The following WDFY3 variants were observed in gnomAD, a reference collection of about 807,000 sequenced individuals.
WDFY3 encodes the protein WD repeat and FYVE domain containing 3.
Under a neutral mutation model 409.6 loss-of-function variants are expected in WDFY3, and 66 were observed. That is an observed-to-expected ratio of 0.16 (90% CI 0.13 to 0.20). The LOEUF (loss-of-function observed/expected upper bound fraction) is 0.20, where lower values mean the gene tolerates loss of function less well. WDFY3 is among the 10% of genes least tolerant of loss of function. The probability of loss-of-function intolerance (pLI) is 1.00; values close to 1 mark genes in which losing one functional copy is unlikely to be tolerated. For missense variants in WDFY3, 3,031 were observed against 4,298.1 expected (o/e 0.71, Z 8.24); for synonymous variants, 1,521 against 1,537.1 (o/e 0.99, Z 0.25).
At chr4:84,689,583 A>AT (rs1214813242) in intron 61 of WDFY3, among the ~76,000 whole-genome samples, 1 of 152,084 alleles carries the variant, frequency 6.6e-6, no homozygotes, top group Non-Finnish European at 1.5e-5. Context: ...CAGGGGTTCA[A>AT]TTTTTTTCTA....
intron 58 of WDFY3, 46 bp downstream of exon 58, chr4:84,695,924 C>T (rs1490889074): frequency 7.7e-6 from 12 of 1,548,784 alleles, no homozygotes; most frequent in African/African-American, 1.4e-5. Flanking sequence ...AGAAATGTTA[C>T]AAAATGAAAC....
intron 3 of WDFY3, among the ~76,000 whole-genome samples, chr4:84,869,365 C>T (rs1041968699): frequency 6.6e-6 from 1 of 152,136 alleles, no homozygotes; most frequent in Non-Finnish European, 1.5e-5. Context: ...TATCTTCACG[C>T]CCCCTGCATT....
At chr4:84,831,682 C>CAGTCCATTCAGCTCATT in intron 7 of WDFY3, 77 bp from the exon 8 acceptor site, 1 of 1,309,170 alleles carries the variant, frequency 7.6e-7, no homozygotes, top group Non-Finnish European at 1.0e-6. Flanking sequence ...GGCAAATGAG[C>CAGTCCATTCAGCTCATT]TGAATGGACT....
intron 8 of WDFY3, among the ~76,000 whole-genome samples, chr4:84,830,558 G>A (rs1336014492): frequency 6.6e-6 from 1 of 152,146 alleles, no homozygotes; most frequent in South Asian, 2.1e-4. Flanking sequence ...ATAAATTGAG[G>A]AGCATCTGTG....
intron 32 of WDFY3, among the ~76,000 whole-genome samples, chr4:84,758,111 C>T (rs546429250): frequency 6.6e-6 from 1 of 152,300 alleles, no homozygotes; most frequent in East Asian, 1.9e-4. Context: ...ATGTGGTTCA[C>T]CTCATACCTA....
intron 2 of WDFY3, among the ~76,000 whole-genome samples, chr4:84,909,809 T>C (rs1044011525): frequency 1.3e-5 from 2 of 152,196 alleles, no homozygotes; most frequent in Non-Finnish European, 2.9e-5. Flanking sequence ...TTTTTTGTCT[T>C]CATGCTTTTG....
chr4:84,740,977 A>G (rs1738307878), intron 38 of WDFY3, among the ~76,000 whole-genome samples: 2 of 152,350 alleles, frequency 1.3e-5, no homozygotes, highest in East Asian at 3.9e-4. Flanking sequence ...TAAGTATTAA[A>G]TAAGATTAAT....
intron 61 of WDFY3, 43 bp from the exon 62 acceptor site, chr4:84,688,308 G>T: frequency 6.3e-7 from 1 of 1,587,016 alleles, no homozygotes; most frequent in South Asian, 1.2e-5. Flanking sequence ...TGATCTCAGT[G>T]ACAGGGTTCC....
At chr4:84,716,515 G>A (rs1437329289) in intron 49 of WDFY3, among the ~76,000 whole-genome samples, 1 of 150,192 alleles carries the variant, frequency 6.7e-6, no homozygotes, top group African/African-American at 2.4e-5. Flanking sequence ...ATACATTTTC[G>A]GCCGGGCGCG....
At chr4:84,682,301 G>T (rs1330167109) in intron 64 of WDFY3, 73 bp downstream of exon 64, 29 of 1,417,036 alleles carry the variant, frequency 2.0e-5, no homozygotes, top group Non-Finnish European at 2.8e-5. Context: ...ATGTTGTTTG[G>T]TATAAGCTTA....
intron 5 of WDFY3, among the ~76,000 whole-genome samples, chr4:84,848,807 G>C (rs1758472461): frequency 6.6e-6 from 1 of 152,112 alleles, no homozygotes; most frequent in Non-Finnish European, 1.5e-5. Flanking sequence ...ATGTATCTGT[G>C]AGATCATGAG....
chr4:84,857,439 A>C (rs1292791191), intron 4 of WDFY3, among the ~76,000 whole-genome samples: 3 of 152,208 alleles, frequency 2.0e-5, no homozygotes, highest in African/African-American at 7.2e-5. Flanking sequence ...AATTCCCCTA[A>C]CTGCTCTAAA....
Position 84,684,099 on chromosome 4 carries a change from T to C in WDFY3, c.9570A>G (p.Thr3190=), listed in dbSNP as rs768696879. 3 of 1,604,628 alleles carry C rather than the reference T, an allele frequency of 1.9e-6. No individual in the cohort carries two copies. The highest frequency in any genetic ancestry group is 1.7e-6 in the Non-Finnish European group (2 of 1,172,174). ...LTGDIVSCAG[T]YIHVWSINGN... is the part of the protein sequence containing the mutation. Reference sequence around the variant, plus strand: ...CATTGATGCTCCACACATGGATATATGTGCCAGCGCAGGACACAATGTCCC... The same window carrying C: ...CATTGATGCTCCACACATGGATATACGTGCCAGCGCAGGACACAATGTCCC... The change falls in exon 63 of 68, where the codon ACA becomes ACG. Residue 3190 remains threonine, a synonymous_variant. Transcript: ENST00000295888.
intron 2 of WDFY3, among the ~76,000 whole-genome samples, chr4:84,926,100 G>C (rs1479958239): frequency 6.9e-6 from 1 of 145,034 alleles, no homozygotes; most frequent in Non-Finnish European, 1.5e-5. Flanking sequence ...TACAACCTCT[G>C]CCTCCCGGGT....
chr4:84,751,190 G>A (rs572475731), intron 36 of WDFY3: 38 of 425,298 alleles, frequency 8.9e-5, no homozygotes, highest in South Asian at 8.3e-4. Flanking sequence ...GAGACCGTAT[G>A]GCCCACAAGC....
rs1560873926 is a variant in WDFY3 at position 84,831,634 on chromosome 4, G to A, written c.577-29C>T. 5 of 1,560,124 alleles carry A rather than the reference G, an allele frequency of 3.2e-6. No individual in the cohort carries two copies. The South Asian group carries it at 5.9e-5, about 18-fold the overall frequency. ...AAAAATAAAACAAAACAAAACAAGAGTGTATAAGCAAAAATCAAATAATCT... is the reference window on the plus strand; with the variant it reads ...AAAAATAAAACAAAACAAAACAAGAATGTATAAGCAAAAATCAAATAATCT... On this transcript the variant is annotated intron_variant, in intron 7 of 67. Coordinates refer to ENST00000295888, the MANE Select transcript of WDFY3 (RefSeq NM_014991.6).
Position 84,834,039 on chromosome 4 carries a change from C to T in WDFY3, c.577-2434G>A, listed in dbSNP as rs529593845. ...CATCATCTTTTACCATATGTGAATA[C>T]AGACAGTTAAATGCAACAAAAAAGT... On this transcript the variant is annotated intron_variant, in intron 7 of 67. Coordinates refer to ENST00000295888, the MANE Select transcript of WDFY3 (RefSeq NM_014991.6). Among the ~76,000 whole-genome samples, 51 of 152,210 alleles carry T rather than the reference C, an allele frequency of 3.4e-4. No individual in the cohort carries two copies. The South Asian group carries it at 0.01, about 31-fold the overall frequency.
chr4:84,860,317 T>C, intron 4 of WDFY3, 95 bp downstream of exon 4: 1 of 1,362,828 alleles, frequency 7.3e-7, no homozygotes, highest in African/African-American at 1.5e-5. Flanking sequence ...TAACTCAGCC[T>C]ATCATTTTTT....
chr4:84,756,722 C>T (rs1344735290), intron 33 of WDFY3, among the ~76,000 whole-genome samples: 1 of 151,710 alleles, frequency 6.6e-6, no homozygotes, highest in Non-Finnish European at 1.5e-5. Context: ...ACAGAGTTAT[C>T]ATATAGGAAA....
Sources: allele counts gnomAD v4.1 joint callset (sites outside exome capture counted in the v4.1 genomes callset), GRCh38; gene constraint gnomAD v4.1.1; transcripts MANE v1.5; gene names NCBI Gene and HGNC (gene_info 2026-07-23, HGNC 2026-07-21).